Variants in CFTR observed in about 807,000 individuals in gnomAD.
The protein encoded by CFTR is cystic fibrosis transmembrane conductance regulator.
Under a neutral mutation model 171.6 loss-of-function variants are expected in CFTR, and 181 were observed. The observed-to-expected ratio is 1.05, with a 90% CI of 0.93 to 1.19. CFTR has a LOEUF of 1.19. CFTR is among the 50% of genes most tolerant of loss of function. The pLI is 0.00. For missense variants in CFTR, 1,968 were observed against 1,734.7 expected, an observed-to-expected ratio of 1.13 and a Z score of -2.39; for synonymous variants, 583 against 608.0, an observed-to-expected ratio of 0.96 and a Z score of 0.60.
chr7:117,638,197 G>A (rs1183537069), intron 22 of CFTR, among the ~76,000 whole-genome samples: 2 of 152,148 alleles, frequency 1.3e-5, no homozygotes, highest in South Asian at 2.1e-4. Context: ...GCAGTGGTTT[G>A]CCCTGTGACC....
intron 11 of CFTR, among the ~76,000 whole-genome samples, chr7:117,575,899 T>A (rs986481379): frequency 6.6e-6 from 1 of 152,202 alleles, no homozygotes; most frequent in Admixed American, 6.6e-5. Context: ...TGGGATCTTT[T>A]GTTGTAGAGA....
intron 9 of CFTR, among the ~76,000 whole-genome samples, chr7:117,545,357 A>C (rs1799122844): frequency 6.6e-6 from 1 of 152,164 alleles, no homozygotes; most frequent in Non-Finnish European, 1.5e-5. Flanking sequence ...AAACCATATC[A>C]GCCTCCTTCT....
chr7:117,647,693 AAT>A (rs1491503085), intron 23 of CFTR, among the ~76,000 whole-genome samples: 4 of 151,020 alleles, frequency 2.6e-5, no homozygotes, highest in Non-Finnish European at 4.4e-5. Context: ...AAAAAAAAAA[AAT>A]TTTTTTTTTA....
intron 7 of CFTR, among the ~76,000 whole-genome samples, chr7:117,538,714 T>A (rs575066047): frequency 6.6e-6 from 1 of 150,836 alleles, no homozygotes; most frequent in South Asian, 2.1e-4. Context: ...AGGTAGATTC[T>A]GTAAAGTTAG....
Position 117,509,042 on chromosome 7 carries a change from A to G in CFTR, c.173A>G (p.Asp58Gly), listed in dbSNP as rs397508291. The change falls in exon 3 of 27, where the codon GAT (aspartate) becomes GGT (glycine). Residue 58 changes from aspartate to glycine, a missense_variant. Transcript: ENST00000003084. Reference sequence around the variant, plus strand: ...TTTTTATTCTTTTGCAGAGAATGGGATAGAGAGCTGGCTTCAAAGAAAAAT... The same window carrying G: ...TTTTTATTCTTTTGCAGAGAATGGGGTAGAGAGCTGGCTTCAAAGAAAAAT... ...NLSEKLEREW[D>G]RELASKKNPK... 1 of 1,605,164 alleles carries G rather than the reference A, an allele frequency of 6.2e-7. No homozygotes were observed. The highest frequency in any genetic ancestry group is 1.1e-5 in the South Asian group (1 of 90,912).
At chr7:117,634,134 T>C (rs891451855) in intron 22 of CFTR, among the ~76,000 whole-genome samples, 2 of 152,062 alleles carry the variant, frequency 1.3e-5, no homozygotes, top group Admixed American at 1.3e-4. Flanking sequence ...GTGCTTTCTG[T>C]TTTGGAAGGT....
chr7:117,626,241 A>G (rs566366400), intron 21 of CFTR, among the ~76,000 whole-genome samples: 22 of 152,238 alleles, frequency 1.4e-4, no homozygotes, highest in Admixed American at 3.3e-4. Flanking sequence ...TTAACGTTCA[A>G]TTAAGGATCT....
At chr7:117,635,265 T>C (rs958711778) in intron 22 of CFTR, among the ~76,000 whole-genome samples, 1 of 152,112 alleles carries the variant, frequency 6.6e-6, no homozygotes, top group Non-Finnish European at 1.5e-5. Context: ...TCTCCAGGTC[T>C]CTTTTGGTTG....
intron 11 of CFTR, among the ~76,000 whole-genome samples, chr7:117,587,391 AT>A (rs778785372): frequency 2.6e-5 from 4 of 152,188 alleles, no homozygotes; most frequent in Non-Finnish European, 5.9e-5. Context: ...ACATTTTAGT[AT>A]GTTGATAACA....
intron 3 of CFTR, among the ~76,000 whole-genome samples, chr7:117,525,940 G>T (rs1193334025): frequency 1.3e-4 from 19 of 149,444 alleles, no homozygotes; most frequent in African/African-American, 4.7e-4. Context: ...GTTAGCTGGT[G>T]ATTTTGCTCA....
At position 117,536,645 on chromosome 7, in the gene CFTR, A is replaced by G. The variant is rs755215339; in HGVS notation, c.841A>G (p.Met281Val). 2.5e-6 allele frequency: 4 copies of G among 1,611,816 alleles called. No homozygotes were observed. Among genetic ancestry groups the G allele is most frequent in the Non-Finnish European group, 1.7e-6 (2 of 1,179,192 alleles). Residue 281 changes from methionine (M) to valine (V), a missense_variant, in exon 7 of 27, where the codon ATG becomes GTG. Met to Val is a conservative substitution (Grantham distance 21). Coordinates refer to ENST00000003084, the MANE Select transcript of CFTR (RefSeq NM_000492.4). ...SVKAYCWEEAMEKMIENLRQT... is the reference protein window; with the variant it reads ...SVKAYCWEEAVEKMIENLRQT... Reference sequence around the variant, plus strand: ...TAAGGCATACTGCTGGGAAGAAGCAATGGAAAAAATGATTGAAAACTTAAG... The same window carrying G: ...TAAGGCATACTGCTGGGAAGAAGCAGTGGAAAAAATGATTGAAAACTTAAG...
chr7:117,541,051 A>G (rs1205668981), intron 8 of CFTR, among the ~76,000 whole-genome samples: 1 of 152,178 alleles, frequency 6.6e-6, no homozygotes, highest in Non-Finnish European at 1.5e-5. Context: ...CTCCCTGCTC[A>G]CAGAGCACCT....
At chr7:117,636,605 T>C (rs759107783) in intron 22 of CFTR, among the ~76,000 whole-genome samples, 16 of 152,108 alleles carry the variant, frequency 1.1e-4, no homozygotes, top group Non-Finnish European at 2.2e-4. Flanking sequence ...CGCATTTCAG[T>C]GTTGGAAGTT....
At chr7:117,658,772 C>T (rs1793220401) in intron 24 of CFTR, among the ~76,000 whole-genome samples, 1 of 152,134 alleles carries the variant, frequency 6.6e-6, no homozygotes, top group Admixed American at 6.5e-5. Context: ...AATATATTCA[C>T]TTTTCTTCAT....
intron 10 of CFTR, among the ~76,000 whole-genome samples, chr7:117,556,318 C>T (rs1799354344): frequency 6.6e-6 from 1 of 151,912 alleles, no homozygotes; most frequent in Non-Finnish European, 1.5e-5. Flanking sequence ...CTGCCTCGGC[C>T]TCCCAAAGTG....
chr7:117,515,752 A>C (rs970482114), intron 3 of CFTR, among the ~76,000 whole-genome samples: 4 of 152,160 alleles, frequency 2.6e-5, no homozygotes, highest in African/African-American at 9.7e-5. Flanking sequence ...CAGTATAGCC[A>C]TGTTCACAAT....
rs62469438 is a variant in CFTR, at chr7:117,539,922, T to A, written c.870-178T>A. Among the ~76,000 whole-genome samples the A allele has an allele frequency of 1.7e-3, 260 of 152,044 alleles. No homozygotes were observed. Among genetic ancestry groups the A allele is most frequent in the Non-Finnish European group, 3.2e-3 (219 of 68,006 alleles). ...TTGTTATCTTTTCATATAAGGTAACTGAGGCCCAGAGAGATTAAATAACAT... is the reference window on the plus strand; with the variant it reads ...TTGTTATCTTTTCATATAAGGTAACAGAGGCCCAGAGAGATTAAATAACAT... On this transcript the variant is annotated intron_variant, in intron 7 of 26. Transcript: ENST00000003084.
chr7:117,487,136 A>G (rs35098671), intron 1 of CFTR, among the ~76,000 whole-genome samples: 18 of 152,238 alleles, frequency 1.2e-4, no homozygotes, highest in African/African-American at 3.8e-4. Flanking sequence ...AAAACCAGAA[A>G]CGGAAATGAT....
intron 2 of CFTR, among the ~76,000 whole-genome samples, chr7:117,508,490 G>A (rs1211226095): frequency 6.6e-6 from 1 of 152,186 alleles, no homozygotes; most frequent in African/African-American, 2.4e-5. Flanking sequence ...AGTTGAAAAT[G>A]AAGTTTAATG....
Sources: allele counts gnomAD v4.1 joint callset (sites outside exome capture counted in the v4.1 genomes callset), GRCh38; gene constraint gnomAD v4.1.1; transcripts MANE v1.5; gene names NCBI Gene and HGNC (gene_info 2026-07-23, HGNC 2026-07-21).